Variants in IREB2 observed in about 807,000 individuals in gnomAD.
IREB2 encodes the protein iron-responsive element-binding protein 2.
Under a neutral mutation model 118.8 loss-of-function variants are expected in IREB2, and 39 were observed. That is an observed-to-expected ratio of 0.33 (90% confidence interval 0.25 to 0.43). The LOEUF is 0.43. IREB2 is among the 20% of genes least tolerant of loss of function. The probability of loss-of-function intolerance (pLI) is 1.00; values close to 1 mark genes in which losing one functional copy is unlikely to be tolerated. For synonymous variants in IREB2, 372 were observed against 392.2 expected (o/e 0.95, Z 0.61); for missense variants, 900 against 1,147.3 (o/e 0.78, Z 3.11).
intron 2 of IREB2, among the ~76,000 whole-genome samples, chr15:78,455,539 TG>T (rs2051091533): frequency 6.6e-6 from 1 of 151,066 alleles, no homozygotes; most frequent in Non-Finnish European, 1.5e-5. Flanking sequence ...GAGACCATCC[TG>T]GGCAACATAG....
In IREB2 at chr15:78,473,392, GT is replaced by G; in HGVS notation, c.1023+13del. On this transcript the variant is annotated intron_variant, in intron 8 of 21. Transcript: ENST00000258886. ...CTTGGTATTACAAAGGTAAGTTAAAGTTGTGGTAGCTCTATGACTTACTGAA... is the reference window on the plus strand; with the variant it reads ...CTTGGTATTACAAAGGTAAGTTAAAGTGTGGTAGCTCTATGACTTACTGAA... 1 of 1,610,982 alleles carries G rather than the reference GT, an allele frequency of 6.2e-7. No homozygotes were observed. The highest frequency in any genetic ancestry group is 8.5e-7 in the Non-Finnish European group (1 of 1,177,702).
intron 2 of IREB2, among the ~76,000 whole-genome samples, chr15:78,446,358 T>C (rs1253890559): frequency 6.6e-6 from 1 of 152,224 alleles, no homozygotes; most frequent in African/African-American, 2.4e-5. Flanking sequence ...TATTGCCAAT[T>C]TCTATTCTAG....
Position 78,438,349 on chromosome 15 carries a change from A to T in IREB2, c.12A>T (p.Pro4=). ...TATGGTCTCCGGCGATGGACGCCCC[A>T]AAAGCAGGTCAGTTTCGGGCCTCCG... MDA[P]KAGYAFEYLI... The change falls in exon 1 of 22, where the codon CCA becomes CCT. Residue 4 remains proline, a synonymous_variant. Transcript: ENST00000258886. 6.3e-7 allele frequency: 1 copy of T among 1,597,004 alleles called. No individual in the cohort carries two copies. Among genetic ancestry groups the T allele is most frequent in the Non-Finnish European group, 8.5e-7 (1 of 1,172,770 alleles).
intron 9 of IREB2, among the ~76,000 whole-genome samples, chr15:78,477,799 T>G (rs1019882910): frequency 6.6e-6 from 1 of 152,090 alleles, no homozygotes; most frequent in African/African-American, 2.4e-5. Flanking sequence ...TACAGACTTA[T>G]AGTCCTAGCA....
chr15:78,440,370 C>T (rs927342415), intron 2 of IREB2, among the ~76,000 whole-genome samples: 1 of 143,828 alleles, frequency 7.0e-6, no homozygotes, highest in African/African-American at 2.7e-5. Flanking sequence ...CTTTTCTTTT[C>T]TTTTTTTTTT....
At chr15:78,486,342 C>T (rs2051659116) in intron 13 of IREB2, among the ~76,000 whole-genome samples, 1 of 152,300 alleles carries the variant, frequency 6.6e-6, no homozygotes, top group African/African-American at 2.4e-5. Flanking sequence ...CGCGGTGGCT[C>T]ACGCCTGTAA....
chr15:78,468,384 C>T (rs1354805588), intron 5 of IREB2, among the ~76,000 whole-genome samples: 1 of 151,990 alleles, frequency 6.6e-6, no homozygotes, highest in Non-Finnish European at 1.5e-5. Context: ...GCTGGGACTA[C>T]AGGCACACAC....
At chr15:78,448,107 C>T (rs1177952976) in intron 2 of IREB2, among the ~76,000 whole-genome samples, 6 of 152,214 alleles carry the variant, frequency 3.9e-5, no homozygotes, top group Admixed American at 3.9e-4. Flanking sequence ...TTTCTGCTTC[C>T]TCAGACTCTC....
At chr15:78,458,020 C>T (rs1263414232) in intron 2 of IREB2, among the ~76,000 whole-genome samples, 1 of 151,972 alleles carries the variant, frequency 6.6e-6, no homozygotes, top group Non-Finnish European at 1.5e-5. Flanking sequence ...TTTACATGTA[C>T]CAACTAGATA....
chr15:78,439,024 C>A (rs993074633), intron 1 of IREB2, among the ~76,000 whole-genome samples: 1 of 152,124 alleles, frequency 6.6e-6, no homozygotes, highest in Non-Finnish European at 1.5e-5. Flanking sequence ...TCCTGGCCAC[C>A]CACCGCTATG....
In IREB2 at chr15:78,497,226, C is replaced by T. The variant is rs763834846; in HGVS notation, c.2696C>T (p.Ala899Val). 1.9e-6 allele frequency: 3 copies of T among 1,613,632 alleles called. No individual in the cohort carries two copies. Among genetic ancestry groups the T allele is most frequent in the Middle Eastern group, 1.6e-4 (1 of 6,062 alleles). Residue 899 changes from alanine to valine, a missense_variant, in exon 21 of 22, where the codon GCA (alanine) becomes GTA (valine). By Grantham distance (64) the Ala-to-Val change is moderately conservative. Transcript: ENST00000258886. ...CTTCAGTTCCTTCCAGGAGAAAATG[C>T]AGATTCCTTGGGCCTCTCCGGTAGA... ...APLQFLPGENADSLGLSGRET... is the reference protein window; with the variant it reads ...APLQFLPGENVDSLGLSGRET...
chr15:78,462,563 G>A (rs1025663800), intron 2 of IREB2, among the ~76,000 whole-genome samples: 1 of 152,128 alleles, frequency 6.6e-6, no homozygotes, highest in Admixed American at 6.5e-5. Context: ...GGGGATGTCT[G>A]CATTATTGAA....
intron 10 of IREB2, among the ~76,000 whole-genome samples, chr15:78,482,567 TC>T (rs948273876): frequency 1.3e-5 from 2 of 152,274 alleles, no homozygotes; most frequent in African/African-American, 4.8e-5. Flanking sequence ...ATTCTTCACA[TC>T]ATGTGTGCTG....
At chr15:78,471,629 T>G (rs2141489011) in intron 6 of IREB2, 112 bp from the exon 7 acceptor site, 1 of 588,428 alleles carries the variant, frequency 1.7e-6, no homozygotes, top group African/African-American at 1.9e-5. Flanking sequence ...GAACTTTGTA[T>G]TTACCATATT....
chr15:78,450,707 C>T (rs574452647), intron 2 of IREB2, among the ~76,000 whole-genome samples: 113 of 152,244 alleles, frequency 7.4e-4, no homozygotes, highest in African/African-American at 2.5e-3. Context: ...AGCAGCAGGC[C>T]TTCTTTACGG....
chr15:78,443,223 T>C (rs1447801546), intron 2 of IREB2, among the ~76,000 whole-genome samples: 3 of 152,266 alleles, frequency 2.0e-5, no homozygotes, highest in African/African-American at 7.2e-5. Context: ...ATAAAAGTTA[T>C]GTGAATATGG....
chr15:78,463,129 G>A (rs1439344962), intron 3 of IREB2, 42 bp downstream of exon 3: 30 of 1,487,742 alleles, frequency 2.0e-5, no homozygotes, highest in Non-Finnish European at 2.6e-5. Flanking sequence ...CTCTTAGAGT[G>A]TGTTTCCTTT....
At chr15:78,481,520 T>C (rs1456038789) in intron 10 of IREB2, among the ~76,000 whole-genome samples, 1 of 53,428 alleles carries the variant, frequency 1.9e-5, no homozygotes, top group East Asian at 6.0e-4. Flanking sequence ...CACACCTCGC[T>C]AATTTTTTTT....
Position 78,487,712 on chromosome 15 carries a change from C to T in IREB2, c.1710-21C>T. On this transcript the variant is annotated intron_variant, in intron 13 of 21. Coordinates refer to ENST00000258886, the MANE Select transcript of IREB2 (RefSeq NM_004136.4). ...TAAATGTTGTGATGTGCTATTCAGT[C>T]ACTTTTTTTTTGAAATGCAGATTTG... The T allele has an allele frequency of 3.0e-6, 4 of 1,354,272 alleles. No homozygotes were observed. The Admixed American group carries it at 6.8e-5, about 23-fold the overall frequency. 83.9% of individuals were successfully genotyped at this position (1,354,272 alleles called of 1,614,324 possible).
Sources: gnomAD v4.1 joint callset for allele counts (sites outside exome capture counted in the v4.1 genomes callset) on GRCh38, gnomAD v4.1.1 for gene constraint, MANE v1.5 for transcripts, NCBI Gene and HGNC (gene_info 2026-07-23, HGNC 2026-07-21) for gene names.